PCDH19: variants seen among roughly 807,000 people sequenced by gnomAD.
The protein encoded by PCDH19 is protocadherin-19.
PCDH19 carries 6 observed loss-of-function variants against 46.2 expected under a neutral mutation model. The ratio of observed to expected loss-of-function variants is 0.13; its 90% CI spans 0.07 to 0.26. The LOEUF (loss-of-function observed/expected upper bound fraction) is 0.26. Ranked by LOEUF, PCDH19 falls within the 10% of genes least tolerant of loss-of-function variation. PCDH19 has a pLI of 1.00. For missense variants in PCDH19, 740 were observed against 972.3 expected, an observed-to-expected ratio of 0.76 and a Z score of 3.18; for synonymous variants, 481 against 415.7, an observed-to-expected ratio of 1.16 and a Z score of -1.91.
At chrX:100,305,713 AG>A (rs1405288197) in intron 5 of PCDH19, among the ~76,000 whole-genome samples, 1 of 111,869 alleles carries the variant, frequency 8.9e-6, no homozygotes. Flanking sequence ...CTTAAGGTAA[AG>A]GGGTTAGAAA....
chrX:100,363,911 AAG>A (rs1237194030), intron 3 of PCDH19, among the ~76,000 whole-genome samples: 5 of 83,599 alleles, frequency 6.0e-5, no homozygotes, highest in Non-Finnish European at 1.2e-4. Flanking sequence ...GGGAGAGAGA[AAG>A]AGAGCTAAAA....
At chrX:100,395,176 C>T (rs905301331) in intron 3 of PCDH19, among the ~76,000 whole-genome samples, 5 of 112,057 alleles carry the variant, frequency 4.5e-5, no homozygotes, top group Non-Finnish European at 9.4e-5. Flanking sequence ...CGTGAGCCAC[C>T]GCGCCCGGCC....
chrX:100,316,215 C>A (rs1925301629), intron 5 of PCDH19, among the ~76,000 whole-genome samples: 1 of 112,137 alleles, frequency 8.9e-6, no homozygotes, highest in Admixed American at 9.5e-5. Flanking sequence ...TCCAGAGCTC[C>A]CCATCCTATA....
intron 3 of PCDH19, among the ~76,000 whole-genome samples, chrX:100,353,372 T>A (rs972351283): frequency 1.8e-5 from 2 of 111,807 alleles, no homozygotes; most frequent in Non-Finnish European, 3.8e-5. Flanking sequence ...AAGTAGAAAA[T>A]TTTCCATATC....
intron 5 of PCDH19, among the ~76,000 whole-genome samples, chrX:100,324,381 T>G (rs1194455773): frequency 3.6e-5 from 4 of 111,715 alleles, no homozygotes; most frequent in Non-Finnish European, 7.5e-5. Flanking sequence ...GAAATTAAGA[T>G]GAAAGAGTAA....
chrX:100,356,304 G>A (rs775612442), intron 3 of PCDH19, among the ~76,000 whole-genome samples: 1 of 111,524 alleles, frequency 9.0e-6, no homozygotes, highest in Non-Finnish European at 1.9e-5. Context: ...ACACAACAAA[G>A]TGATTATAAA....
rs751977016 is a variant in PCDH19 at position 100,407,181 on chromosome X, G to A, written c.1417C>T (p.Leu473Phe). Residue 473 changes from leucine (L) to phenylalanine (F), a missense_variant, in exon 1 of 6, where the codon CTC (leucine) becomes TTC (phenylalanine). By Grantham distance (22) the Leu-to-Phe change is conservative (BLOSUM62 0). Around this residue, in one of 5 missense-constraint regions of PCDH19, gnomAD observed 186 missense variants for 319.9 expected, o/e 0.58. Transcript: ENST00000373034. ...QENNTPGAYL[L>F]SVSARDPDLG... ...TCGGGGTCGCGAGCAGACACAGAGA[G>A]CAGATAGGCGCCAGGCGTGTTGTTC... 26 of 1,210,207 alleles carry A rather than the reference G, an allele frequency of 2.1e-5. No individual in the cohort carries two copies. The highest frequency in any genetic ancestry group is 2.9e-5 in the Non-Finnish European group (26 of 895,203).
chrX:100,310,531 A>G (rs1472774538), intron 5 of PCDH19, among the ~76,000 whole-genome samples: 1 of 111,211 alleles, frequency 9.0e-6, no homozygotes, highest in African/African-American at 3.3e-5. Flanking sequence ...CTTATAAACC[A>G]TTTGAAAAAG....
At chrX:100,322,833 G>GTGTGTATATATATATATATATATA (rs1322393906) in intron 5 of PCDH19, among the ~76,000 whole-genome samples, 1 of 48,815 alleles carries the variant, frequency 2.0e-5, no homozygotes, top group African/African-American at 1.3e-4. Context: ...ATATTCCTAA[G>GTGTGTATATATATATATATATATA]TATATATATA....
intron 3 of PCDH19, among the ~76,000 whole-genome samples, chrX:100,394,456 A>C (rs1357402070): frequency 8.9e-6 from 1 of 111,810 alleles, no homozygotes; most frequent in Non-Finnish European, 1.9e-5. Flanking sequence ...TACCCAATCC[A>C]GGAAATCCTT....
In PCDH19 at chrX:100,403,546, TCTC is replaced by T. The variant is rs1300404334; in HGVS notation, c.2263_2265del (p.Glu755del). 8.3e-7 allele frequency: 1 copy of T among 1,208,516 alleles called. No individual in the cohort carries two copies. The highest frequency in any genetic ancestry group is 1.1e-6 in the Non-Finnish European group (1 of 894,833). On this transcript the variant is annotated inframe_deletion, in exon 2 of 6. Transcript: ENST00000373034. ...TACCTCTTTCCCCTTAGGCTCACTTTCTCCTCTGTCTTTTTGTCTTGCTCCTCG... is the reference window on the plus strand; with the variant it reads ...TACCTCTTTCCCCTTAGGCTCACTTTCTCTGTCTTTTTGTCTTGCTCCTCG...
chrX:100,296,450 G>A lies in PCDH19; in HGVS notation c.3274C>T (p.Arg1092Cys), dbSNP rs745989871. 7 of 1,211,409 alleles carry A rather than the reference G, an allele frequency of 5.8e-6. No individual in the cohort carries two copies. The highest frequency in any genetic ancestry group is 3.0e-5 in the East Asian group (1 of 33,825). Residue 1092 changes from arginine (R) to cysteine (C), a missense_variant, in exon 6 of 6, where the codon CGT becomes TGT. By Grantham distance (180) the Arg-to-Cys change is radical. Around this residue, in one of 5 missense-constraint regions of PCDH19, gnomAD observed 416 missense variants for 476.8 expected, o/e 0.87. Transcript: ENST00000373034. ...TTGTTGACATACTGCTCCAGATCAC[G>A]GGCTGGGGGAGCCAGGGCAATGGTG... Reference protein sequence around the residue: ...SYTIALAPPARDLEQYVNNVN... With the variant: ...SYTIALAPPACDLEQYVNNVN...
At chrX:100,351,237 T>C (rs953617278) in intron 3 of PCDH19, among the ~76,000 whole-genome samples, 2 of 112,724 alleles carry the variant, frequency 1.8e-5, no homozygotes, top group African/African-American at 6.4e-5. Context: ...TTATCACAGA[T>C]ACAAAAGCAA....
At chrX:100,377,541 T>C (rs1020235410) in intron 3 of PCDH19, among the ~76,000 whole-genome samples, 2 of 112,109 alleles carry the variant, frequency 1.8e-5, no homozygotes, top group Non-Finnish European at 3.8e-5. Context: ...CCCAGACTGA[T>C]GCATAGGTGT....
rs1021522696 is a variant in PCDH19, at chrX:100,320,799, T to C, written c.2848+21104A>G. 2.5e-4 allele frequency among the ~76,000 whole-genome samples: 27 copies of C among 109,819 alleles called. 1 individual carries two copies. The highest frequency in any genetic ancestry group is 4.0e-4 in the South Asian group (1 of 2,472). On this transcript the variant is annotated intron_variant, in intron 5 of 5. Coordinates refer to ENST00000373034, the MANE Select transcript of PCDH19 (RefSeq NM_001184880.2). ...TTTTTTTTTTTTTAACCTTTTTTTT[T>C]CCCATAAGTGATTGGGGTACAGGTG...
chrX:100,405,076 C>T (rs1928304647), intron 1 of PCDH19, among the ~76,000 whole-genome samples: 1 of 112,439 alleles, frequency 8.9e-6, no homozygotes, highest in African/African-American at 3.2e-5. Flanking sequence ...CATTTGTCTA[C>T]TAACTTGTGT....
At chrX:100,325,162 T>TAGAC (rs1925651021) in intron 5 of PCDH19, among the ~76,000 whole-genome samples, 2 of 82,468 alleles carry the variant, frequency 2.4e-5, no homozygotes, top group South Asian at 4.7e-4. Flanking sequence ...GATAGATAGA[T>TAGAC]AGATAGACAG....
chrX:100,396,181 G>A (rs1928020808), intron 3 of PCDH19, among the ~76,000 whole-genome samples: 1 of 112,215 alleles, frequency 8.9e-6, no homozygotes, highest in Non-Finnish European at 1.9e-5. Flanking sequence ...ACTCGAGGCA[G>A]ACGCCTAAGA....
intron 5 of PCDH19, among the ~76,000 whole-genome samples, chrX:100,322,865 A>ATATATATATATTTTTTT: frequency 2.0e-3 from 110 of 54,372 alleles, no homozygotes; most frequent in Non-Finnish European, 3.2e-3. Flanking sequence ...ATATATATAT[A>ATATATATATATTTTTTT]TTTTTGCAGC....
Sources: allele counts gnomAD v4.1 joint callset (sites outside exome capture counted in the v4.1 genomes callset), GRCh38; gene constraint gnomAD v4.1.1; regional missense constraint gnomAD v4.1.1; transcripts MANE v1.5; gene names NCBI Gene and HGNC (gene_info 2026-07-23, HGNC 2026-07-21).